OPCML: variants seen among roughly 807,000 people sequenced by gnomAD.
OPCML encodes the protein opioid-binding protein/cell adhesion molecule.
A neutral mutation model predicts 37.8 loss-of-function variants in OPCML; 13 were observed. The observed-to-expected ratio is 0.34, with a 90% confidence interval of 0.22 to 0.55. The LOEUF is 0.55. Ranked by LOEUF, OPCML falls within the 20% of genes least tolerant of loss-of-function variation. OPCML has a pLI of 0.91. For synonymous variants in OPCML, 176 were observed against 168.8 expected (o/e 1.04, Z -0.33); for missense variants, 341 against 435.6 (o/e 0.78, Z 1.93).
chr11:133,291,323 A>G (rs1942465616), intron 1 of OPCML, among the ~76,000 whole-genome samples: 1 of 152,232 alleles, frequency 6.6e-6, no homozygotes. Flanking sequence ...TCGGTTAAAG[A>G]GGATGCAGGA....
intron 2 of OPCML, among the ~76,000 whole-genome samples, chr11:132,914,676 A>C (rs535063189): frequency 3.9e-5 from 6 of 152,314 alleles, no homozygotes; most frequent in African/African-American, 1.4e-4. Context: ...CAGGATGTCG[A>C]ACTGCCTGTG....
chr11:132,956,868 C>T (rs1359238011), intron 1 of OPCML, among the ~76,000 whole-genome samples: 3 of 152,186 alleles, frequency 2.0e-5, no homozygotes, highest in Non-Finnish European at 4.4e-5. Context: ...TGGTGGCTCA[C>T]AGCTATAATC....
intron 2 of OPCML, among the ~76,000 whole-genome samples, chr11:132,818,787 G>A (rs943882701): frequency 2.2e-4 from 33 of 149,538 alleles, no homozygotes; most frequent in African/African-American, 6.8e-4. Flanking sequence ...CATATATGGG[G>A]GAGGGGGGAG....
intron 1 of OPCML, among the ~76,000 whole-genome samples, chr11:132,975,574 A>C (rs1474023349): frequency 2.3e-5 from 3 of 131,116 alleles, no homozygotes; most frequent in African/African-American, 5.7e-5. Context: ...AAAAAAAAAA[A>C]AAAAAAAAAC....
At chr11:132,609,847 A>G (rs1488843108) in intron 3 of OPCML, among the ~76,000 whole-genome samples, 1 of 152,168 alleles carries the variant, frequency 6.6e-6, no homozygotes, top group Non-Finnish European at 1.5e-5. Context: ...CTGTATCTCT[A>G]GTGCCTGGCA....
intron 2 of OPCML, among the ~76,000 whole-genome samples, chr11:132,718,762 T>C (rs1944578573): frequency 6.6e-6 from 1 of 152,134 alleles, no homozygotes; most frequent in Admixed American, 6.5e-5. Flanking sequence ...AAGCCCCGTG[T>C]TCCTACTCCA....
intron 1 of OPCML, among the ~76,000 whole-genome samples, chr11:133,239,856 G>A (rs1028826136): frequency 1.3e-5 from 2 of 152,148 alleles, no homozygotes; most frequent in Admixed American, 1.3e-4. Context: ...CACCAGGTAG[G>A]GGCTGGGTGT....
intron 1 of OPCML, among the ~76,000 whole-genome samples, chr11:133,503,189 G>A (rs531157333): frequency 3.7e-4 from 57 of 152,278 alleles, no homozygotes; most frequent in Admixed American, 5.9e-4. Context: ...TCACCTTTAA[G>A]TAGCAGAGTT....
At chr11:133,023,411 G>A (rs1947490707) in intron 1 of OPCML, among the ~76,000 whole-genome samples, 2 of 152,152 alleles carry the variant, frequency 1.3e-5, no homozygotes, top group Non-Finnish European at 2.9e-5. Flanking sequence ...GATGAAAGGA[G>A]TTATAAATGA....
At chr11:132,789,604 G>A (rs1221086115) in intron 2 of OPCML, among the ~76,000 whole-genome samples, 1 of 152,126 alleles carries the variant, frequency 6.6e-6, no homozygotes, top group Non-Finnish European at 1.5e-5. Flanking sequence ...CAGCAGTTGA[G>A]GTCTGAACCT....
intron 1 of OPCML, among the ~76,000 whole-genome samples, chr11:133,256,962 CA>C (rs1191993827): frequency 1.3e-5 from 2 of 152,154 alleles, no homozygotes; most frequent in Non-Finnish European, 2.9e-5. Flanking sequence ...TAAAACAAAA[CA>C]AAACAAAAAA....
In OPCML at chr11:133,008,997, A is replaced by T. The variant is rs985806522; in HGVS notation, c.62-65987T>A. The T allele has an allele frequency of 1.2e-5, 12 of 985,446 alleles. No individual in the cohort carries two copies. The East Asian group carries it at 1.1e-3, about 93-fold the overall frequency. The allele number at this position is 985,446 out of a possible 1,614,324, so 61.0% of individuals were successfully genotyped here. The stretch of plus-strand genomic sequence containing the variant: ...TTAGCATGGACATGGACTGACATGG[A>T]TTAATCTCTATTTGACATCTGTTTC... On this transcript the variant is annotated intron_variant, in intron 1 of 7. Coordinates refer to ENST00000524381, the MANE Select transcript of OPCML (RefSeq NM_001012393.5).
At chr11:133,460,044 A>G (rs111546669) in intron 1 of OPCML, among the ~76,000 whole-genome samples, 79 of 152,066 alleles carry the variant, frequency 5.2e-4, no homozygotes, top group African/African-American at 1.8e-3. Context: ...CAATGGAATG[A>G]CGAGAAATTA....
At chr11:133,004,980 T>G (rs73588525) in intron 1 of OPCML, 2 of 985,238 alleles carry the variant, frequency 2.0e-6, no homozygotes, top group African/African-American at 3.5e-5. Context: ...CCTTCCCACC[T>G]GGACTGCTGC....
At chr11:132,804,510 C>A (rs979413811) in intron 2 of OPCML, among the ~76,000 whole-genome samples, 5 of 152,164 alleles carry the variant, frequency 3.3e-5, no homozygotes, top group Non-Finnish European at 7.3e-5. Flanking sequence ...CAGAACATAG[C>A]TACTAAATGC....
intron 2 of OPCML, among the ~76,000 whole-genome samples, chr11:132,914,770 T>C (rs1944550952): frequency 6.6e-6 from 1 of 152,144 alleles, no homozygotes; most frequent in African/African-American, 2.4e-5. Context: ...CTCCAGGCAG[T>C]GTGAAACCAG....
intron 1 of OPCML, among the ~76,000 whole-genome samples, chr11:133,438,448 C>A (rs889277531): frequency 6.6e-6 from 1 of 151,956 alleles, no homozygotes; most frequent in African/African-American, 2.4e-5. Context: ...TATCAGCAAT[C>A]ACAGAAAAAA....
At chr11:132,797,319 T>C (rs1363376788) in intron 2 of OPCML, among the ~76,000 whole-genome samples, 1 of 152,268 alleles carries the variant, frequency 6.6e-6, no homozygotes, top group Admixed American at 6.5e-5. Flanking sequence ...ATTATTTGCA[T>C]GTGCATATCC....
At chr11:133,023,756 T>A (rs893999569) in intron 1 of OPCML, among the ~76,000 whole-genome samples, 1 of 152,166 alleles carries the variant, frequency 6.6e-6, no homozygotes, top group Non-Finnish European at 1.5e-5. Context: ...AAATAGGCTG[T>A]GGGAGAAAAT....
Sources: gnomAD v4.1 joint callset for allele counts (sites outside exome capture counted in the v4.1 genomes callset) on GRCh38, gnomAD v4.1.1 for gene constraint, MANE v1.5 for transcripts, NCBI Gene and HGNC (gene_info 2026-07-23, HGNC 2026-07-21) for gene names.